The following CSMD1 variants were observed in gnomAD, a reference collection of about 807,000 sequenced individuals.
CSMD1 encodes CUB and sushi domain-containing protein 1.
In CSMD1, 213 loss-of-function variants were observed where a neutral mutation model predicts 417.5. The observed-to-expected ratio is 0.51, with a 90% confidence interval of 0.46 to 0.57. The LOEUF (loss-of-function observed/expected upper bound fraction) is 0.57, where lower values mean the gene tolerates loss of function less well. CSMD1 is among the 20% of genes least tolerant of loss of function. The pLI is 0.00. For synonymous variants in CSMD1, 2,862 were observed against 1,736.8 expected (o/e 1.65, Z -16.11); for missense variants, 6,923 against 4,529.7 (o/e 1.53, Z -15.17).
chr8:3,247,150 G>T (rs1276828007), intron 26 of CSMD1, among the ~76,000 whole-genome samples: 1 of 152,176 alleles, frequency 6.6e-6, no homozygotes, highest in Non-Finnish European at 1.5e-5. Flanking sequence ...CTAAATGTTT[G>T]TGGGATGCAG....
At chr8:4,576,994 A>G (rs982880808) in intron 2 of CSMD1, among the ~76,000 whole-genome samples, 1 of 152,186 alleles carries the variant, frequency 6.6e-6, no homozygotes, top group Non-Finnish European at 1.5e-5. Flanking sequence ...GTGTGATTCT[A>G]TCTCCATGGT....
At chr8:4,918,318 T>C (rs1806207510) in intron 1 of CSMD1, among the ~76,000 whole-genome samples, 1 of 152,194 alleles carries the variant, frequency 6.6e-6, no homozygotes, top group Admixed American at 6.5e-5. Flanking sequence ...AATCACAAAG[T>C]GTATTGCCTT....
At position 3,461,294 on chromosome 8, in the gene CSMD1, A is replaced by G. The variant is rs188110642; in HGVS notation, c.1561+7418T>C. Among the ~76,000 whole-genome samples the G allele has an allele frequency of 3.9e-5, 6 of 152,202 alleles. No homozygotes were observed. The East Asian group carries it at 1.2e-3, about 29-fold the overall frequency. The stretch of plus-strand genomic sequence containing the variant: ...TGCAAGTCCAGAAGGCTTTTGCTGG[A>G]TAGAATGAGGGAATGCGCTTCTGAA... On this transcript the variant is annotated intron_variant, in intron 12 of 69. Coordinates refer to ENST00000635120, the MANE Select transcript of CSMD1 (RefSeq NM_033225.6).
chr8:3,917,123 A>G (rs886606210), intron 5 of CSMD1, among the ~76,000 whole-genome samples: 3 of 152,190 alleles, frequency 2.0e-5, no homozygotes, highest in Non-Finnish European at 2.9e-5. Flanking sequence ...CATAAAAGAT[A>G]GTCTAAGAGA....
intron 1 of CSMD1, among the ~76,000 whole-genome samples, chr8:4,937,282 C>T (rs1807683888): frequency 6.6e-6 from 1 of 152,126 alleles, no homozygotes; most frequent in Non-Finnish European, 1.5e-5. Flanking sequence ...GTCCTATCTT[C>T]ACTGGGGGAT....
chr8:3,177,249 G>A (rs1008281571), intron 37 of CSMD1, among the ~76,000 whole-genome samples: 1 of 152,152 alleles, frequency 6.6e-6, no homozygotes, highest in South Asian at 2.1e-4. Context: ...AGACGCATGG[G>A]GAGTGTGCCC....
chr8:4,174,241 G>A (rs73180497), intron 3 of CSMD1, among the ~76,000 whole-genome samples: 11,224 of 152,102 alleles, frequency 0.074, 514 homozygotes, highest in Middle Eastern at 0.16. Flanking sequence ...AAAGCAAAGC[G>A]CTAAAAAGGA....
At chr8:3,446,644 A>G (rs975513230) in intron 12 of CSMD1, among the ~76,000 whole-genome samples, 1 of 152,176 alleles carries the variant, frequency 6.6e-6, no homozygotes, top group Non-Finnish European at 1.5e-5. Context: ...CTGTTTGGGG[A>G]ATCTAGTTAG....
At chr8:4,900,300 C>A (rs761743752) in intron 1 of CSMD1, among the ~76,000 whole-genome samples, 3 of 152,200 alleles carry the variant, frequency 2.0e-5, no homozygotes, top group Non-Finnish European at 4.4e-5. Context: ...ACTCATCCAC[C>A]TCCTATGTCC....
intron 3 of CSMD1, among the ~76,000 whole-genome samples, chr8:4,051,561 C>A (rs1042689692): frequency 6.6e-6 from 1 of 152,192 alleles, no homozygotes; most frequent in Non-Finnish European, 1.5e-5. Context: ...CTCCAACAAT[C>A]AAGCAAACCT....
At chr8:4,256,076 G>A (rs1464181230) in intron 3 of CSMD1, among the ~76,000 whole-genome samples, 2 of 152,186 alleles carry the variant, frequency 1.3e-5, no homozygotes, top group South Asian at 4.1e-4. Flanking sequence ...GTAAGTTGTA[G>A]GCAAACGTAG....
At chr8:4,144,184 C>CT (rs1803970262) in intron 3 of CSMD1, among the ~76,000 whole-genome samples, 1 of 151,120 alleles carries the variant, frequency 6.6e-6, no homozygotes, top group South Asian at 2.1e-4. Flanking sequence ...ACGAATTGGC[C>CT]TTAGACCTCC....
intron 6 of CSMD1, among the ~76,000 whole-genome samples, chr8:3,746,145 T>G (rs574797378): frequency 1.3e-5 from 2 of 152,292 alleles, no homozygotes; most frequent in South Asian, 2.1e-4. Context: ...ACAGAGAACA[T>G]GAAGAATAAG....
At chr8:4,817,114 T>G (rs1016056595) in intron 1 of CSMD1, among the ~76,000 whole-genome samples, 1 of 152,028 alleles carries the variant, frequency 6.6e-6, no homozygotes, top group Non-Finnish European at 1.5e-5. Flanking sequence ...TGCCTCCATG[T>G]ATCTGTATAT....
chr8:4,708,961 C>A (rs976837784), intron 1 of CSMD1, among the ~76,000 whole-genome samples: 1 of 152,150 alleles, frequency 6.6e-6, no homozygotes, highest in African/African-American at 2.4e-5. Context: ...CAGAAAAGAG[C>A]AATCCTGCTG....
intron 3 of CSMD1, among the ~76,000 whole-genome samples, chr8:4,316,734 T>G (rs1304865637): frequency 2.6e-5 from 4 of 151,968 alleles, no homozygotes; most frequent in Non-Finnish European, 5.9e-5. Context: ...AGAACGATAG[T>G]TAAATAAGAA....
At chr8:3,876,226 T>A (rs1249255051) in intron 5 of CSMD1, among the ~76,000 whole-genome samples, 3 of 152,186 alleles carry the variant, frequency 2.0e-5, no homozygotes, top group African/African-American at 2.4e-5. Context: ...ACCCCTGATA[T>A]CGCTAAGCCA....
At chr8:4,452,534 TAAAAA>T (rs1799210242) in intron 2 of CSMD1, among the ~76,000 whole-genome samples, 2 of 152,322 alleles carry the variant, frequency 1.3e-5, no homozygotes, top group South Asian at 4.1e-4. Flanking sequence ...TCAACAATTA[TAAAAA>T]TAATTCACTT....
Position 4,220,097 on chromosome 8 carries a change from G to A in CSMD1, c.416-187998C>T, listed in dbSNP as rs186959794. Among the ~76,000 whole-genome samples, 30 of 152,170 alleles carry A rather than the reference G, an allele frequency of 2.0e-4. No homozygotes were observed. The East Asian group carries it at 3.9e-3, about 20-fold the overall frequency. On this transcript the variant is annotated intron_variant, in intron 3 of 69. Transcript: ENST00000635120. The stretch of plus-strand genomic sequence containing the variant: ...CCCGAGTACCTGTGATTACAGGCAC[G>A]TGCCACCATGCCCAGCTGATTTTTT...
Sources: allele counts gnomAD v4.1 joint callset (sites outside exome capture counted in the v4.1 genomes callset), GRCh38; gene constraint gnomAD v4.1.1; transcripts MANE v1.5; gene names NCBI Gene and HGNC (gene_info 2026-07-23, HGNC 2026-07-21).